HOMER2: variants seen among roughly 807,000 people sequenced by gnomAD.
HOMER2 encodes the protein homer protein homolog 2.
A neutral mutation model predicts 47.0 loss-of-function variants in HOMER2; 27 were observed. The ratio of observed to expected loss-of-function variants is 0.57; its 90% CI spans 0.42 to 0.79. The LOEUF (loss-of-function observed/expected upper bound fraction) is 0.79, where lower values mean the gene tolerates loss of function less well. Ranked by LOEUF, HOMER2 falls within the 30% of genes least tolerant of loss-of-function variation. HOMER2 has a pLI of 0.00. For missense variants in HOMER2, 443 were observed against 435.0 expected (o/e 1.02, Z -0.16); for synonymous variants, 161 against 163.8 (o/e 0.98, Z 0.13).
intron 3 of HOMER2, among the ~76,000 whole-genome samples, chr15:82,867,043 G>A (rs550938595): frequency 2.0e-5 from 3 of 152,160 alleles, no homozygotes; most frequent in East Asian, 1.9e-4. Flanking sequence ...TGACTAAGGG[G>A]GAAACAGAAA....
At chr15:82,919,047 G>A (rs2053662290) in intron 1 of HOMER2, among the ~76,000 whole-genome samples, 1 of 152,148 alleles carries the variant, frequency 6.6e-6, no homozygotes, top group Non-Finnish European at 1.5e-5. Context: ...CAACCCTCAG[G>A]GTGCAGAGCA....
At chr15:82,923,634 C>T (rs1020630638) in intron 1 of HOMER2, among the ~76,000 whole-genome samples, 1 of 152,132 alleles carries the variant, frequency 6.6e-6, no homozygotes, top group African/African-American at 2.4e-5. Flanking sequence ...TTGGACAGTA[C>T]AGGGAGCTGA....
chr15:82,837,473 T>C (rs2051138493), exon 2 of HOMER2: 1 of 152,260 alleles, frequency 6.6e-6, no homozygotes, highest in Non-Finnish European at 1.5e-5. Flanking sequence ...GCAGCTGCTC[T>C]GCAGATTGTC....
rs35191408 is a variant in HOMER2, at chr15:82,910,132, CAAAAAAAAAAAAAAA to C, written c.6-17306_6-17292del. On this transcript the variant is annotated intron_variant, in intron 1 of 8. Transcript: ENST00000450735. ...TGGGTAACAGAGCAAGATTCTGTCT[CAAAAAAAAAAAAAAA>C]AAAAAAAAAAAAAGGCTAACTTGTT... Among the ~76,000 whole-genome samples the C allele has an allele frequency of 2.3e-4, 5 of 22,130 alleles. No individual in the cohort carries two copies. The South Asian group carries it at 1.0e-2, about 44-fold the overall frequency. The allele number at this position is 22,130 out of a possible 152,430, so 14.5% of individuals were successfully genotyped here.
At chr15:82,946,295 A>G (rs2054379602) in intron 1 of HOMER2, among the ~76,000 whole-genome samples, 1 of 152,244 alleles carries the variant, frequency 6.6e-6, no homozygotes, top group African/African-American at 2.4e-5. Flanking sequence ...CACTTGGACC[A>G]GAAACTTCAG....
At chr15:82,858,947 T>A (rs572939210) in intron 5 of HOMER2, 82 bp downstream of exon 5, 54 of 1,494,584 alleles carry the variant, frequency 3.6e-5, no homozygotes, top group Non-Finnish European at 4.9e-5. Flanking sequence ...CCCAATTTCC[T>A]GAAACCCTGT....
At chr15:82,865,984 AGTCCCT>A in intron 3 of HOMER2, among the ~76,000 whole-genome samples, 1 of 152,348 alleles carries the variant, frequency 6.6e-6, no homozygotes, top group South Asian at 2.1e-4. Flanking sequence ...TCCCCCACAG[AGTCCCT>A]ACTGGGGCAC....
chr15:82,860,920 CAGTG>C (rs1370236969), intron 4 of HOMER2, among the ~76,000 whole-genome samples: 2 of 110,058 alleles, frequency 1.8e-5, no homozygotes, highest in African/African-American at 6.8e-5. Context: ...CTAGATGACA[CAGTG>C]AGACTCTGTC....
chr15:82,939,329 A>G (rs1445632995), intron 1 of HOMER2, among the ~76,000 whole-genome samples: 5 of 152,200 alleles, frequency 3.3e-5, no homozygotes, highest in African/African-American at 1.2e-4. Context: ...CATCCACCAC[A>G]TGACTCTCAT....
At chr15:82,978,266 C>T (rs1318972170) in intron 1 of HOMER2, among the ~76,000 whole-genome samples, 1 of 152,224 alleles carries the variant, frequency 6.6e-6, no homozygotes, top group African/African-American at 2.4e-5. Context: ...ATGTGAAAGA[C>T]ATGGCCTTAC....
At chr15:82,900,417 AAATT>A (rs1300856641) in intron 1 of HOMER2, among the ~76,000 whole-genome samples, 1 of 152,198 alleles carries the variant, frequency 6.6e-6, no homozygotes, top group Non-Finnish European at 1.5e-5. Flanking sequence ...AATTATCCCT[AAATT>A]AATATATAAA....
chr15:82,855,265 G>A (rs1441104420), intron 5 of HOMER2, among the ~76,000 whole-genome samples: 3 of 135,722 alleles, frequency 2.2e-5, no homozygotes, highest in African/African-American at 5.6e-5. Flanking sequence ...GGTGGAGGTT[G>A]CAGTGAGCCG....
intron 2 of HOMER2, among the ~76,000 whole-genome samples, chr15:82,890,072 C>T (rs752725763): frequency 9.9e-5 from 15 of 152,154 alleles, no homozygotes; most frequent in Non-Finnish European, 1.8e-4. Context: ...CGGCAGGGCG[C>T]GTTGGCTCAC....
At chr15:82,975,335 T>C (rs1596389606) in intron 1 of HOMER2, among the ~76,000 whole-genome samples, 1 of 152,152 alleles carries the variant, frequency 6.6e-6, no homozygotes, top group East Asian at 1.9e-4. Context: ...AGAGCTACCA[T>C]ATGATCCAGC....
At chr15:82,897,407 C>A (rs2052970409) in intron 1 of HOMER2, among the ~76,000 whole-genome samples, 1 of 152,074 alleles carries the variant, frequency 6.6e-6, no homozygotes, top group Non-Finnish European at 1.5e-5. Context: ...TCCCTCTCAG[C>A]CATTATGTTA....
upstream of HOMER2, among the ~76,000 whole-genome samples, chr15:82,953,888 A>C (rs1227502044): frequency 2.6e-5 from 4 of 152,006 alleles, no homozygotes; most frequent in Non-Finnish European, 5.9e-5. Context: ...GTCTCAAAAA[A>C]TAAATAAATT....
chr15:82,977,001 CCT>C (rs2030230152), intron 1 of HOMER2, among the ~76,000 whole-genome samples: 1 of 151,646 alleles, frequency 6.6e-6, no homozygotes, highest in Non-Finnish European at 1.5e-5. Flanking sequence ...TTTTAACTCT[CCT>C]CACTCCTCCA....
At chr15:82,929,079 TGG>T (rs1274217401) in intron 1 of HOMER2, among the ~76,000 whole-genome samples, 2 of 151,954 alleles carry the variant, frequency 1.3e-5, no homozygotes, top group African/African-American at 2.4e-5. Context: ...ATGTGGGCTT[TGG>T]GGAGCTTACA....
chr15:82,899,831 T>C (rs1203408854), intron 1 of HOMER2, among the ~76,000 whole-genome samples: 1 of 152,180 alleles, frequency 6.6e-6, no homozygotes, highest in Non-Finnish European at 1.5e-5. Flanking sequence ...GAGACCACCC[T>C]GGCCAACATG....
Sources: allele counts gnomAD v4.1 joint callset (sites outside exome capture counted in the v4.1 genomes callset), GRCh38; gene constraint gnomAD v4.1.1; transcripts MANE v1.5; gene names NCBI Gene and HGNC (gene_info 2026-07-23, HGNC 2026-07-21).